POM121C: variants seen among roughly 807,000 people sequenced by gnomAD.
The protein encoded by POM121C is nuclear envelope pore membrane protein POM 121C.
A neutral mutation model predicts 66.4 loss-of-function variants in POM121C; 20 were observed. The observed-to-expected ratio is 0.30, with a 90% CI of 0.21 to 0.44. POM121C has a LOEUF of 0.44. Among genes scored for constraint, POM121C ranks in the 20% least tolerant of loss-of-function variants. The pLI is 1.00. For missense variants in POM121C, 580 were observed against 1,225.7 expected (o/e 0.47, Z 7.87); for synonymous variants, 286 against 528.0 (o/e 0.54, Z 6.28).
chr7:75,477,698 G>C (rs1483273755), intron 1 of POM121C, among the ~76,000 whole-genome samples: 9 of 151,804 alleles, frequency 5.9e-5, no homozygotes, highest in Non-Finnish European at 8.8e-5. Context: ...GAAAGCTGAG[G>C]CAGAAGGATT....
chr7:75,473,849 C>T (rs75282085), intron 3 of POM121C, among the ~76,000 whole-genome samples: 26,643 of 151,750 alleles, frequency 0.18, 2,672 homozygotes, highest in Middle Eastern at 0.29. Flanking sequence ...CCACTACGTC[C>T]GGCTAATTTT....
intron 7 of POM121C, among the ~76,000 whole-genome samples, chr7:75,432,499 C>G (rs1554472481): frequency 6.6e-6 from 1 of 152,036 alleles, no homozygotes; most frequent in East Asian, 1.9e-4. Flanking sequence ...AATTGAAAAA[C>G]AGGGTACACT....
Position 75,416,848 on chromosome 7 carries a change from C to T in POM121C, c.*1948G>A. ...GCAGGAGAAAAATCTCACATTCATA[C>T]TAAAAATTCCAACTAGACTCAACAG... On this transcript the variant is annotated 3_prime_UTR_variant, in exon 15 of 15. Coordinates refer to ENST00000615331, the MANE Select transcript of POM121C (RefSeq NM_001099415.3). 6.9e-7 allele frequency: 1 copy of T among 1,448,824 alleles called. No individual in the cohort carries two copies. 89.7% of individuals were successfully genotyped at this position (1,448,824 alleles called of 1,614,324 possible).
At chr7:75,485,829 C>T (rs1253998728) in intron 1 of POM121C, 35 bp downstream of exon 1, 16 of 496,860 alleles carry the variant, frequency 3.2e-5, no homozygotes, top group Admixed American at 3.1e-4. Flanking sequence ...TCACCCAGGC[C>T]CTTCTCGCTC....
At chr7:75,481,152 TA>T (rs1451675667) in intron 1 of POM121C, among the ~76,000 whole-genome samples, 1 of 149,992 alleles carries the variant, frequency 6.7e-6, no homozygotes, top group African/African-American at 2.4e-5. Flanking sequence ...GATTTCTTTG[TA>T]AAATCCTTGC....
chr7:75,473,010 G>A (rs1281870015), intron 3 of POM121C, among the ~76,000 whole-genome samples: 6 of 152,214 alleles, frequency 3.9e-5, no homozygotes, highest in Non-Finnish European at 5.9e-5. Flanking sequence ...ATGTGCTGAC[G>A]ATCTGCAAGG....
intron 7 of POM121C, among the ~76,000 whole-genome samples, chr7:75,433,977 A>G (rs1217996230): frequency 6.6e-6 from 1 of 152,232 alleles, no homozygotes; most frequent in East Asian, 1.9e-4. Flanking sequence ...TGTATCTCTT[A>G]TGTAGACAAT....
chr7:75,481,139 TG>T (rs1792296170), intron 1 of POM121C, among the ~76,000 whole-genome samples: 1 of 149,752 alleles, frequency 6.7e-6, no homozygotes, highest in South Asian at 2.1e-4. Flanking sequence ...AGGAAGTATC[TG>T]GGATTTCTTT....
chr7:75,470,986 A>C (rs1333299396), intron 3 of POM121C, among the ~76,000 whole-genome samples: 1 of 151,952 alleles, frequency 6.6e-6, no homozygotes, highest in Non-Finnish European at 1.5e-5. Flanking sequence ...ATGGAAGCAC[A>C]ATCTGAAAAA....
chr7:75,456,796 T>C (rs587716333), intron 3 of POM121C, among the ~76,000 whole-genome samples: 4 of 152,316 alleles, frequency 2.6e-5, no homozygotes, highest in African/African-American at 9.6e-5. Context: ...CCATAGGAGA[T>C]GGAATAAGCA....
intron 12 of POM121C, among the ~76,000 whole-genome samples, chr7:75,423,842 G>C (rs587680224): frequency 6.6e-6 from 1 of 152,334 alleles, no homozygotes; most frequent in Non-Finnish European, 1.5e-5. Context: ...CCAGGCTTCA[G>C]ATCCTGAGCG....
chr7:75,439,917 G>A (rs1377992143), intron 5 of POM121C, among the ~76,000 whole-genome samples: 1 of 136,978 alleles, frequency 7.3e-6, no homozygotes, highest in South Asian at 2.3e-4. Flanking sequence ...GTCTCGCTCT[G>A]TCACCCAGGC....
chr7:75,471,732 C>A (rs1554478674), intron 3 of POM121C, among the ~76,000 whole-genome samples: 1 of 152,138 alleles, frequency 6.6e-6, no homozygotes, highest in African/African-American at 2.4e-5. Context: ...TGCCAGAGCG[C>A]TTGCTGACGA....
At chr7:75,431,432 C>T (rs1384242094) in intron 7 of POM121C, among the ~76,000 whole-genome samples, 1 of 151,038 alleles carries the variant, frequency 6.6e-6, no homozygotes, top group Non-Finnish European at 1.5e-5. Context: ...GCAGAAACCC[C>T]ATCTCCACTA....
chr7:75,472,775 C>T (rs1791924133), intron 3 of POM121C, among the ~76,000 whole-genome samples: 2 of 151,554 alleles, frequency 1.3e-5, no homozygotes, highest in African/African-American at 2.4e-5. Flanking sequence ...CATTGCACTC[C>T]AGCCTGGGTG....
intron 3 of POM121C, among the ~76,000 whole-genome samples, chr7:75,463,411 C>T (rs1480914212): frequency 6.7e-6 from 1 of 149,668 alleles, no homozygotes; most frequent in Non-Finnish European, 1.5e-5. Context: ...TGCCCCAGCA[C>T]AGTGGCAATC....
chr7:75,464,886 T>C (rs1405917815), intron 3 of POM121C, among the ~76,000 whole-genome samples: 9 of 98,352 alleles, frequency 9.2e-5, no homozygotes, highest in Non-Finnish European at 1.6e-4. Context: ...AAAAAAAGTA[T>C]AGAAATGGAA....
chr7:75,483,466 C>A (rs1212189700), intron 1 of POM121C, among the ~76,000 whole-genome samples: 2 of 152,174 alleles, frequency 1.3e-5, no homozygotes, highest in African/African-American at 4.8e-5. Context: ...GGAAGATGCA[C>A]CCACTTTCCC....
chr7:75,440,377 C>A (rs1407467150), intron 5 of POM121C, among the ~76,000 whole-genome samples: 1 of 151,290 alleles, frequency 6.6e-6, no homozygotes, highest in Middle Eastern at 3.4e-3. Context: ...ACCATCCTGG[C>A]CAATATGGTG....
Sources: gnomAD v4.1 joint callset for allele counts (sites outside exome capture counted in the v4.1 genomes callset) on GRCh38, gnomAD v4.1.1 for gene constraint, MANE v1.5 for transcripts, NCBI Gene and HGNC (gene_info 2026-07-23, HGNC 2026-07-21) for gene names.